The following HNRNPC variants were observed in gnomAD, a reference collection of about 807,000 sequenced individuals.
HNRNPC encodes the protein heterogeneous nuclear ribonucleoproteins C1/C2.
In HNRNPC, 3 loss-of-function variants were observed where a neutral mutation model predicts 33.2. That is an observed-to-expected ratio of 0.09 (90% CI 0.04 to 0.23). HNRNPC has a LOEUF of 0.23. Ranked by LOEUF, HNRNPC falls within the 10% of genes least tolerant of loss-of-function variation. The probability of loss-of-function intolerance (pLI) is 1.00; values close to 1 mark genes in which losing one functional copy is unlikely to be tolerated. For synonymous variants in HNRNPC, 121 were observed against 126.7 expected, an observed-to-expected ratio of 0.96 and a Z score of 0.30; for missense variants, 143 against 366.7, an observed-to-expected ratio of 0.39 and a Z score of 4.98.
chr14:21,229,065 CGA>C (rs1002991682), intron 5 of HNRNPC, among the ~76,000 whole-genome samples: 11 of 127,228 alleles, frequency 8.6e-5, no homozygotes, highest in African/African-American at 3.3e-4. Context: ...AGCCTGGTGA[CGA>C]GAGGAAAATT....
chr14:21,230,694 G>T, intron 4 of HNRNPC: 1 of 477,312 alleles, frequency 2.1e-6, no homozygotes, highest in Non-Finnish European at 3.7e-6. Flanking sequence ...TGTCTTAGAA[G>T]CTCAACGATC....
intron 3 of HNRNPC, among the ~76,000 whole-genome samples, chr14:21,233,419 G>A (rs574339601): frequency 3.6e-4 from 55 of 152,176 alleles, no homozygotes; most frequent in African/African-American, 1.2e-3. Context: ...GAGGCACAAG[G>A]TACACATAAA....
In HNRNPC at chr14:21,260,052, TAGC is replaced by T. The variant is rs1450553346; in HGVS notation, c.-37+3256_-37+3258del. Among the ~76,000 whole-genome samples the T allele has an allele frequency of 4.1e-5, 6 of 146,992 alleles. No homozygotes were observed. The East Asian group carries it at 1.2e-3, about 29-fold the overall frequency. ...GTCTCTACTAAACATACAAAAAAAT[TAGC>T]CGGGCGTAGTGGCGGGCGCCTGTAG... is the stretch of plus-strand genomic sequence containing the variant. On this transcript the variant is annotated intron_variant, in intron 2 of 8. Coordinates refer to ENST00000553300, the MANE Select transcript of HNRNPC (RefSeq NM_004500.4).
chr14:21,237,924 A>G (rs193218931), intron 2 of HNRNPC, among the ~76,000 whole-genome samples: 4 of 152,282 alleles, frequency 2.6e-5, no homozygotes, highest in Admixed American at 1.3e-4. Flanking sequence ...GGCATGCGCC[A>G]CCAGGCCCGG....
At chr14:21,231,386 TCTCA>T (rs1260763862) in intron 3 of HNRNPC, 1 of 482,262 alleles carries the variant, frequency 2.1e-6, no homozygotes, top group Non-Finnish European at 4.1e-6. Flanking sequence ...TAAGACACTG[TCTCA>T]CTGTCATACA....
At chr14:21,263,574 A>G (rs966202940) in intron 1 of HNRNPC, 1 of 152,146 alleles carries the variant, frequency 6.6e-6, no homozygotes, top group Non-Finnish European at 1.5e-5. Context: ...TCCTCCTCTA[A>G]CCCAACTGCT....
rs1198484561 is a variant in HNRNPC, at chr14:21,211,210, C to T, written c.*13G>A. On this transcript the variant is annotated 3_prime_UTR_variant, in exon 9 of 9. Coordinates refer to ENST00000553300, the MANE Select transcript of HNRNPC (RefSeq NM_004500.4). ...GAAATAATGGGATAAGATTTCTAAA[C>T]CCCACTATGTGCTTAAGAGTCATCC... is the stretch of plus-strand genomic sequence containing the variant. The T allele has an allele frequency of 1.9e-6, 3 of 1,611,672 alleles. No homozygotes were observed. The highest frequency in any genetic ancestry group is 2.2e-5 in the South Asian group (2 of 91,006).
At chr14:21,256,467 C>T (rs1178960398) in intron 2 of HNRNPC, among the ~76,000 whole-genome samples, 1 of 151,822 alleles carries the variant, frequency 6.6e-6, no homozygotes, top group African/African-American at 2.4e-5. Context: ...AAAAAAAAAT[C>T]CTTCAAACAA....
At chr14:21,247,162 C>G (rs755291763) in intron 2 of HNRNPC, among the ~76,000 whole-genome samples, 1 of 152,144 alleles carries the variant, frequency 6.6e-6, no homozygotes, top group Non-Finnish European at 1.5e-5. Context: ...TCAATGTAAT[C>G]CTAACCTCTA....
intron 2 of HNRNPC, among the ~76,000 whole-genome samples, chr14:21,261,485 G>A (rs750206579): frequency 6.6e-6 from 1 of 152,084 alleles, no homozygotes; most frequent in Non-Finnish European, 1.5e-5. Flanking sequence ...CTCCCATTCT[G>A]TTTTGAGTGT....
chr14:21,252,474 G>GT (rs1309105490), intron 2 of HNRNPC, among the ~76,000 whole-genome samples: 1 of 152,016 alleles, frequency 6.6e-6, no homozygotes, highest in Non-Finnish European at 1.5e-5. Context: ...CCCTACCCAG[G>GT]TAATTTTTTT....
intron 2 of HNRNPC, among the ~76,000 whole-genome samples, chr14:21,259,849 C>T (rs1877869237): frequency 6.9e-6 from 1 of 144,462 alleles, no homozygotes; most frequent in East Asian, 2.0e-4. Context: ...TTTTTGAGAC[C>T]AGCCTGGGAA....
At chr14:21,231,535 G>A (rs1029893821) in intron 3 of HNRNPC, 1 of 388,408 alleles carries the variant, frequency 2.6e-6, no homozygotes, top group Non-Finnish European at 5.1e-6. Flanking sequence ...AACTCTTGGG[G>A]TCACGTGATC....
At chr14:21,244,707 T>C (rs914450692) in intron 2 of HNRNPC, among the ~76,000 whole-genome samples, 9 of 152,084 alleles carry the variant, frequency 5.9e-5, no homozygotes, top group African/African-American at 2.2e-4. Flanking sequence ...GTCGTAAGAG[T>C]GTAGTTACCC....
At chr14:21,230,804 G>A in intron 4 of HNRNPC, 193 bp downstream of exon 4, 1 of 574,546 alleles carries the variant, frequency 1.7e-6, no homozygotes, top group Non-Finnish European at 3.0e-6. Flanking sequence ...ATTTTCTCTA[G>A]GGCAAAAAAG....
At chr14:21,216,513 G>A (rs1892205992) in intron 5 of HNRNPC, among the ~76,000 whole-genome samples, 1 of 152,140 alleles carries the variant, frequency 6.6e-6, no homozygotes, top group African/African-American at 2.4e-5. Flanking sequence ...ATGGAGACGG[G>A]CCTGACCAAC....
At chr14:21,222,614 C>T (rs1035448216) in intron 5 of HNRNPC, among the ~76,000 whole-genome samples, 24 of 152,118 alleles carry the variant, frequency 1.6e-4, no homozygotes, top group African/African-American at 5.1e-4. Context: ...CTGCTATGGC[C>T]GGGCCTAGTG....
chr14:21,236,636 C>A (rs538438137), intron 2 of HNRNPC, among the ~76,000 whole-genome samples: 26 of 152,294 alleles, frequency 1.7e-4, no homozygotes, highest in African/African-American at 6.3e-4. Flanking sequence ...GGAAGAGGTA[C>A]ATTTCCTGAA....
intron 2 of HNRNPC, among the ~76,000 whole-genome samples, chr14:21,256,187 C>G (rs191137103): frequency 7.3e-4 from 111 of 152,328 alleles, no homozygotes; most frequent in Non-Finnish European, 2.8e-4. Context: ...TGGATCACGC[C>G]TGTAATCCCA....
Sources: gnomAD v4.1 joint callset for allele counts (sites outside exome capture counted in the v4.1 genomes callset) on GRCh38, gnomAD v4.1.1 for gene constraint, MANE v1.5 for transcripts, NCBI Gene and HGNC (gene_info 2026-07-23, HGNC 2026-07-21) for gene names.